Variants in SHF observed in about 807,000 individuals in gnomAD.
SHF encodes the protein SH2 domain-containing adapter protein F.
A neutral mutation model predicts 42.4 loss-of-function variants in SHF; 30 were observed. The ratio of observed to expected loss-of-function variants is 0.71; its 90% CI spans 0.53 to 0.96. The LOEUF (loss-of-function observed/expected upper bound fraction) is 0.96, where lower values mean the gene tolerates loss of function less well. SHF is among the 40% of genes least tolerant of loss of function. SHF has a pLI of 0.00. For synonymous variants in SHF, 264 were observed against 269.9 expected (o/e 0.98, Z 0.21); for missense variants, 598 against 634.0 (o/e 0.94, Z 0.61).
intron 1 of SHF, among the ~76,000 whole-genome samples, chr15:45,185,280 A>G (rs898312492): frequency 1.3e-5 from 2 of 152,242 alleles, no homozygotes; most frequent in Non-Finnish European, 2.9e-5. Flanking sequence ...ACAGGGAGAA[A>G]GCGGCCACAT....
chr15:45,184,494 TAAG>T (rs1898284154), intron 1 of SHF, among the ~76,000 whole-genome samples: 1 of 152,186 alleles, frequency 6.6e-6, no homozygotes, highest in Non-Finnish European at 1.5e-5. Flanking sequence ...CTCCATGAGC[TAAG>T]AAGAGCCCTG....
intron 6 of SHF, among the ~76,000 whole-genome samples, chr15:45,169,849 T>C (rs1039205870): frequency 2.6e-5 from 4 of 152,214 alleles, no homozygotes; most frequent in Non-Finnish European, 5.9e-5. Flanking sequence ...ACCCTCAGGG[T>C]ACTGGGGTTA....
At chr15:45,173,757 A>T in intron 3 of SHF, 41 bp from the exon 4 acceptor site, 1 of 1,548,374 alleles carries the variant, frequency 6.5e-7, no homozygotes, top group Admixed American at 2.0e-5. Context: ...ACAGACAGTG[A>T]CAGAGACAGA....
At chr15:45,198,925 C>T (rs542760822) in exon 2 of SHF, 5 of 1,613,714 alleles carry the variant, frequency 3.1e-6, no homozygotes, top group East Asian at 4.5e-5. Context: ...TTAGGGGAGA[C>T]GGCGTGAGCA....
chr15:45,175,049 C>T (rs1897725483), intron 3 of SHF, among the ~76,000 whole-genome samples, 170 bp downstream of exon 3: 1 of 152,144 alleles, frequency 6.6e-6, no homozygotes. Flanking sequence ...GCACACAGCG[C>T]TGTGTCCACA....
intron 1 of SHF, among the ~76,000 whole-genome samples, chr15:45,186,759 C>T (rs1898430389): frequency 6.6e-6 from 1 of 152,230 alleles, no homozygotes; most frequent in Admixed American, 6.5e-5. Context: ...CACTGACTAT[C>T]CTCATACCTG....
intron 1 of SHF, chr15:45,200,377 A>G (rs1251950578): frequency 4.8e-6 from 1 of 207,580 alleles, no homozygotes; most frequent in Non-Finnish European, 1.0e-5. Flanking sequence ...TGGTACAATA[A>G]AACAAACTCC....
At chr15:45,199,205 C>G in intron 1 of SHF, 2 of 1,071,318 alleles carry the variant, frequency 1.9e-6, no homozygotes, top group South Asian at 1.7e-5. Flanking sequence ...GCCTCTCATA[C>G]TCCCCTGACA....
At chr15:45,193,525 G>C (rs558527027) in intron 2 of SHF, among the ~76,000 whole-genome samples, 1 of 152,178 alleles carries the variant, frequency 6.6e-6, no homozygotes, top group South Asian at 2.1e-4. Context: ...GAAGCAATAG[G>C]GCAGAGGAAA....
chr15:45,170,468 C>T, intron 6 of SHF: 1 of 1,282,592 alleles, frequency 7.8e-7, no homozygotes, highest in Non-Finnish European at 1.0e-6. Context: ...AATTCAGACT[C>T]CTAGAGTATG....
intron 1 of SHF, among the ~76,000 whole-genome samples, chr15:45,181,572 A>G (rs761230884): frequency 5.3e-5 from 8 of 152,164 alleles, no homozygotes; most frequent in Non-Finnish European, 8.8e-5. Flanking sequence ...CATCAATCTC[A>G]GGGCTGGCAC....
intron 1 of SHF, chr15:45,199,165 C>G: frequency 7.3e-7 from 1 of 1,367,074 alleles, no homozygotes; most frequent in Non-Finnish European, 9.7e-7. Context: ...AAACGCATCT[C>G]CCCATGTTCC....
rs56982094 is a variant in SHF at position 45,199,953 on chromosome 15, C to CAAA, written c.-47+771_-47+773dup. On this transcript the variant is annotated intron_variant, in intron 1 of 7. Transcript: ENST00000290894. ...TGGGTGACAGAGCGAGGCTCCATCTCAAAAAAAAAAAAAAAAAAAAAAAAA... is the reference window on the plus strand; with the variant it reads ...TGGGTGACAGAGCGAGGCTCCATCTCAAAAAAAAAAAAAAAAAAAAAAAAAAAA... 2.2e-4 allele frequency: 13 copies of CAAA among 59,520 alleles called. No individual in the cohort carries two copies. The East Asian group carries it at 2.9e-3, about 13-fold the overall frequency. The allele number at this position is 59,520 out of a possible 1,614,324, so 3.7% of individuals were successfully genotyped here. A position where few individuals can be genotyped will look rare whatever the true frequency, so the allele number is the denominator to read the frequency against.
chr15:45,175,151 T>C, intron 3 of SHF, 68 bp downstream of exon 3: 1 of 1,503,068 alleles, frequency 6.7e-7, no homozygotes, highest in Non-Finnish European at 8.9e-7. Context: ...GTCCACTCCT[T>C]CCATTCTCTT....
chr15:45,201,050 A>T, exon 1 of SHF: 1 of 350,256 alleles, frequency 2.9e-6, no homozygotes, highest in Non-Finnish European at 5.7e-6. Context: ...GTGCGGGAGG[A>T]ACCTGGTAGA....
At position 45,173,581 on chromosome 15, in the gene SHF, C is replaced by T; in HGVS notation, c.983G>A (p.Ser328Asn). 6.6e-7 allele frequency: 1 copy of T among 1,523,166 alleles called. No individual in the cohort carries two copies. Among genetic ancestry groups the T allele is most frequent in the Non-Finnish European group, 8.8e-7 (1 of 1,133,798 alleles). 94.4% of individuals were successfully genotyped at this position (1,523,166 alleles called of 1,614,324 possible). ...AGAAGCCCCCCAGGACCCACCGCTGCTGTCCTCCAGGCTGGGCTCAGGGAG... is the reference window on the plus strand; with the variant it reads ...AGAAGCCCCCCAGGACCCACCGCTGTTGTCCTCCAGGCTGGGCTCAGGGAG... ...SPLPEPSLED[S>N]SAQFEGPEKS... Residue 328 changes from serine to asparagine, a missense_variant, in exon 4 of 7, where the codon AGC becomes AAC. Ser to Asn is a conservative substitution (Grantham distance 46). Around this residue, in one of 2 missense-constraint regions of SHF, gnomAD observed 439 missense variants for 524.6 expected, o/e 0.84. Transcript: ENST00000690270.
chr15:45,200,851 A>AG, exon 1 of SHF: 1 of 456,326 alleles, frequency 2.2e-6, no homozygotes. Context: ...GGTGAGCGTC[A>AG]GAGAGACTTT....
chr15:45,200,367 T>C, intron 1 of SHF: 1 of 193,732 alleles, frequency 5.2e-6, no homozygotes. Flanking sequence ...AAAAACGGAT[T>C]GGTACAATAA....
chr15:45,181,579 G>A (rs1898129274), intron 1 of SHF, among the ~76,000 whole-genome samples: 1 of 152,198 alleles, frequency 6.6e-6, no homozygotes, highest in South Asian at 2.1e-4. Context: ...CTCAGGGCTG[G>A]CACACAGTAG....
Sources: allele counts gnomAD v4.1 joint callset (sites outside exome capture counted in the v4.1 genomes callset), GRCh38; gene constraint gnomAD v4.1.1; regional missense constraint gnomAD v4.1.1; transcripts MANE v1.5; gene names NCBI Gene and HGNC (gene_info 2026-07-23, HGNC 2026-07-21).